USP29: variants seen among roughly 807,000 people sequenced by gnomAD.
USP29 encodes ubiquitin carboxyl-terminal hydrolase 29.
For missense variants in USP29, 1,102 were observed against 1,069.0 expected, an observed-to-expected ratio of 1.03 and a Z score of -0.43; for synonymous variants, 386 against 387.4, an observed-to-expected ratio of 1.00 and a Z score of 0.04.
intron 2 of USP29, among the ~76,000 whole-genome samples, chr19:57,123,603 C>G (rs999707717): frequency 6.6e-6 from 1 of 151,844 alleles, no homozygotes; most frequent in African/African-American, 2.4e-5. Flanking sequence ...TGTGTGATCT[C>G]GATGCATCCT....
In USP29 at chr19:57,121,299, G is replaced by A. The variant is rs574473820; in HGVS notation, c.-267-1026G>A. Reference sequence around the variant, plus strand: ...ATATATGTTATATATACTTATATATGTTATATACTTATATATGTTATGTAC... The same window carrying A: ...ATATATGTTATATATACTTATATATATTATATACTTATATATGTTATGTAC... On this transcript the variant is annotated intron_variant, in intron 1 of 3. Coordinates refer to ENST00000254181, the MANE Select transcript of USP29 (RefSeq NM_020903.3). Among the ~76,000 whole-genome samples, 312 of 145,490 alleles carry A rather than the reference G, an allele frequency of 2.1e-3. 3 individuals carry two copies. The highest frequency in any genetic ancestry group is 7.6e-3 in the African/African-American group (303 of 39,854).
rs761842135 is a variant in USP29, at chr19:57,130,162, C to A, written c.1487C>A (p.Ala496Glu). The A allele has an allele frequency of 6.8e-6, 11 of 1,613,926 alleles. No individual in the cohort carries two copies. The highest frequency in any genetic ancestry group is 9.3e-6 in the Non-Finnish European group (11 of 1,180,022). Residue 496 changes from alanine to glutamate, a missense_variant, in exon 4 of 4, where the codon GCA (alanine) becomes GAA (glutamate). Transcript: ENST00000254181. ...CQMCKQKSCV[A>E]RHTFSRLSRV... ...ATGTGTAAGCAGAAGAGTTGTGTTG[C>A]AAGGCATACATTTAGTAGGCTCTCC...
At chr19:57,127,907 TG>T (rs548801871) in intron 3 of USP29, among the ~76,000 whole-genome samples, 4 of 152,126 alleles carry the variant, frequency 2.6e-5, no homozygotes, top group Non-Finnish European at 4.4e-5. Flanking sequence ...AGGGCCCTGG[TG>T]GTGTAGGCAC....
At position 57,130,475 on chromosome 19, in the gene USP29, T is replaced by G. The variant is rs1274695038; in HGVS notation, c.1800T>G (p.Asn600Lys). 1 of 1,614,160 alleles carries G rather than the reference T, an allele frequency of 6.2e-7. No individual in the cohort carries two copies. Among genetic ancestry groups the G allele is most frequent in the Non-Finnish European group, 8.5e-7 (1 of 1,180,028 alleles). ...TTCTACCCGTTGAACCAGACAAGAA[T>G]GCCGACCTACAAAGATTCCAGAGAG... ...SLVLPVEPDK[N>K]ADLQRFQRDC... is the part of the protein sequence containing the mutation. Residue 600 changes from asparagine to lysine, a missense_variant, in exon 4 of 4, where the codon AAT (asparagine) becomes AAG (lysine). Asn to Lys is a moderately conservative substitution (Grantham distance 94, BLOSUM62 0). Coordinates refer to ENST00000254181, the MANE Select transcript of USP29 (RefSeq NM_020903.3).
At position 57,130,325 on chromosome 19, in the gene USP29, C is replaced by G. The variant is rs758879000; in HGVS notation, c.1650C>G (p.Pro550=). The stretch of plus-strand genomic sequence containing the variant: ...ATGAAAGCACCAAACCACCTCTTCC[C>G]TTGAGCAGTAGTGCACCTGTTGGGA... ...YCNESTKPPL[P]LSSSAPVGKC... Residue 550 remains proline (P), a synonymous_variant, in exon 4 of 4, where the codon CCC becomes CCG. Transcript: ENST00000254181. 4.3e-6 allele frequency: 7 copies of G among 1,613,986 alleles called. No individual in the cohort carries two copies. Among genetic ancestry groups the G allele is most frequent in the Admixed American group, 1.7e-5 (1 of 59,998 alleles).
intron 1 of USP29, 105 bp downstream of exon 1, chr19:57,120,334 A>AAAAAATTT (rs1318883716): frequency 6.6e-6 from 1 of 151,530 alleles, no homozygotes; most frequent in Non-Finnish European, 1.5e-5. Flanking sequence ...CTATGTCTCA[A>AAAAAATTT]AAAAATTTAA....
rs542116294 is a variant in USP29 at position 57,123,084 on chromosome 19, C to A, written c.-118+610C>A. On this transcript the variant is annotated intron_variant, in intron 2 of 3. Coordinates refer to ENST00000254181, the MANE Select transcript of USP29 (RefSeq NM_020903.3). Reference sequence around the variant, plus strand: ...GCCCTACATTGAAGAAATGTGGGCACCCATCAACAGCAGCCATTTCTGATT... The same window carrying A: ...GCCCTACATTGAAGAAATGTGGGCAACCATCAACAGCAGCCATTTCTGATT... 2.6e-5 allele frequency among the ~76,000 whole-genome samples: 4 copies of A among 152,274 alleles called. No individual in the cohort carries two copies. The South Asian group carries it at 8.3e-4, about 32-fold the overall frequency.
At chr19:57,124,477 TG>T (rs1172562722) in intron 3 of USP29, among the ~76,000 whole-genome samples, 6 of 130,948 alleles carry the variant, frequency 4.6e-5, no homozygotes, top group East Asian at 5.4e-4. Flanking sequence ...GTTTTTTTTT[TG>T]GTTTTCTTTT....
At position 57,131,156 on chromosome 19, in the gene USP29, T is replaced by G. The variant is rs927102699; in HGVS notation, c.2481T>G (p.Ser827Arg). ...GDPLQAYRLI[S>R]VVSHIGSSPN... ...CTCTCCAGGCCTACAGACTCATCAGTGTTGTCAGCCATATCGGGAGCTCCC... is the reference window on the plus strand; with the variant it reads ...CTCTCCAGGCCTACAGACTCATCAGGGTTGTCAGCCATATCGGGAGCTCCC... The change falls in exon 4 of 4, where the codon AGT (serine) becomes AGG (arginine). Residue 827 changes from serine to arginine, a missense_variant. Coordinates refer to ENST00000254181, the MANE Select transcript of USP29 (RefSeq NM_020903.3). 5.6e-6 allele frequency: 9 copies of G among 1,614,072 alleles called. No homozygotes were observed. The highest frequency in any genetic ancestry group is 7.6e-6 in the Non-Finnish European group (9 of 1,180,042).
At chr19:57,124,497 T>G (rs77239938) in intron 3 of USP29, among the ~76,000 whole-genome samples, 3,789 of 150,908 alleles carry the variant, frequency 0.025, 67 homozygotes, top group Non-Finnish European at 0.031. Context: ...TTTTGTTTTT[T>G]TTTTGTTTTT....
intron 3 of USP29, among the ~76,000 whole-genome samples, chr19:57,126,964 T>G (rs2086827374): frequency 6.6e-6 from 1 of 152,180 alleles, no homozygotes; most frequent in Non-Finnish European, 1.5e-5. Flanking sequence ...TTTTTGTTGA[T>G]GTTGATGTTG....
rs574916029 is a variant in USP29 at position 57,128,694 on chromosome 19, T to C, written c.19T>C (p.Cys7Arg). ...AGAAAGGATGATATCTCTAAAGGTA[T>C]GTGGATTCATCCAAATTTGGAGCCA... is the stretch of plus-strand genomic sequence containing the variant. Reference protein sequence around the residue: MISLKVCGFIQIWSQKT... With the variant: MISLKVRGFIQIWSQKT... Residue 7 changes from cysteine (C) to arginine (R), a missense_variant, in exon 4 of 4, where the codon TGT becomes CGT. Coordinates refer to ENST00000254181, the MANE Select transcript of USP29 (RefSeq NM_020903.3). 1.9e-6 allele frequency: 3 copies of C among 1,598,142 alleles called. No homozygotes were observed. The highest frequency in any genetic ancestry group is 4.5e-5 in the East Asian group (2 of 44,768).
rs532758906 is a variant in USP29, at chr19:57,121,635, C to T, written c.-267-690C>T. Among the ~76,000 whole-genome samples the T allele has an allele frequency of 2.3e-3, 339 of 144,824 alleles. 3 individuals are homozygous for T. Among genetic ancestry groups the T allele is most frequent in the African/African-American group, 8.3e-3 (328 of 39,622 alleles). The stretch of plus-strand genomic sequence containing the variant: ...TATGCTTATATGTATGTTATATATG[C>T]TTATATGTTATATATACTTACATAT... On this transcript the variant is annotated intron_variant, in intron 1 of 3. Transcript: ENST00000254181.
At position 57,129,029 on chromosome 19, in the gene USP29, T is replaced by C. The variant is rs758308405; in HGVS notation, c.354T>C (p.Ser118=). The C allele has an allele frequency of 6.2e-7, 1 of 1,613,882 alleles. No homozygotes were observed. The highest frequency in any genetic ancestry group is 8.5e-7 in the Non-Finnish European group (1 of 1,179,960). ...QQPMKSDDDW[S]VFESRNMLKE... ...CCATGAAATCTGATGATGATTGGAG[T>C]GTGTTTGAAAGCAGGAATATGCTGA... The change falls in exon 4 of 4, where the codon AGT becomes AGC. Residue 118 remains serine, a synonymous_variant. Coordinates refer to ENST00000254181, the MANE Select transcript of USP29 (RefSeq NM_020903.3).
Position 57,128,950 on chromosome 19 carries a change from C to G in USP29, c.275C>G (p.Ala92Gly). The change falls in exon 4 of 4, where the codon GCT becomes GGT. Residue 92 changes from alanine (A) to glycine (G), a missense_variant. Physicochemically the swap from Ala to Gly is moderately conservative, Grantham distance 60. Coordinates refer to ENST00000254181, the MANE Select transcript of USP29 (RefSeq NM_020903.3). ...ATTGACAAATTATCCTACAGAGATG[C>G]TAAACAGTTGAATATGTTCCTGGAC... is the stretch of plus-strand genomic sequence containing the variant. ...LFIDKLSYRDAKQLNMFLDII... is the reference protein window; with the variant it reads ...LFIDKLSYRDGKQLNMFLDII... 4 of 1,614,026 alleles carry G rather than the reference C, an allele frequency of 2.5e-6. No individual in the cohort carries two copies. The highest frequency in any genetic ancestry group is 3.4e-6 in the Non-Finnish European group (4 of 1,179,986).
chr19:57,125,568 A>G (rs966729969), intron 3 of USP29, among the ~76,000 whole-genome samples: 1 of 151,892 alleles, frequency 6.6e-6, no homozygotes, highest in African/African-American at 2.4e-5. Flanking sequence ...CTGTTTTATC[A>G]GAGACTAGGA....
At chr19:57,128,615 T>G in intron 3 of USP29, 45 bp from the exon 4 acceptor site, 1 of 1,487,094 alleles carries the variant, frequency 6.7e-7, no homozygotes, top group Non-Finnish European at 9.0e-7. Flanking sequence ...AATATAACTG[T>G]TAATATATTC....
chr19:57,130,006 C>T lies in USP29; in HGVS notation c.1331C>T (p.Ala444Val). The change falls in exon 4 of 4, where the codon GCT becomes GTT. Residue 444 changes from alanine to valine, a missense_variant. Ala to Val is a moderately conservative substitution (Grantham distance 64, BLOSUM62 0). Coordinates refer to ENST00000254181, the MANE Select transcript of USP29 (RefSeq NM_020903.3). ...LSLICKACGH[A>V]VLKVEPNNYL... is the part of the protein sequence containing the mutation. ...CTTATTTGTAAAGCTTGTGGTCATG[C>T]TGTTCTCAAGGTAGAACCTAATAAT... 3 of 1,614,186 alleles carry T rather than the reference C, an allele frequency of 1.9e-6. No homozygotes were observed. The highest frequency in any genetic ancestry group is 2.2e-5 in the East Asian group (1 of 44,880).
rs1319310178 is a variant in USP29 at position 57,129,431 on chromosome 19, T to G, written c.756T>G (p.Asn252Lys). The change falls in exon 4 of 4, where the codon AAT becomes AAG. Residue 252 changes from asparagine to lysine, a missense_variant. Asn to Lys is a moderately conservative substitution (Grantham distance 94). Transcript: ENST00000254181. ...CAACCCAGACTCTCAATGCCAAAAA[T>G]GGTTTGACATCTCCATTGGAACCAG... ...VLATQTLNAK[N>K]GLTSPLEPEH... 1 of 1,614,156 alleles carries G rather than the reference T, an allele frequency of 6.2e-7. No individual in the cohort carries two copies. The highest frequency in any genetic ancestry group is 8.5e-7 in the Non-Finnish European group (1 of 1,180,034).
Sources: allele counts gnomAD v4.1 joint callset (sites outside exome capture counted in the v4.1 genomes callset), GRCh38; gene constraint gnomAD v4.1.1; transcripts MANE v1.5; gene names NCBI Gene and HGNC (gene_info 2026-07-23, HGNC 2026-07-21).